RUNX2: variants seen among roughly 807,000 people sequenced by gnomAD.
The protein encoded by RUNX2 is runt-related transcription factor 2.
A neutral mutation model predicts 51.7 loss-of-function variants in RUNX2; 10 were observed. That is an observed-to-expected ratio of 0.19 (90% CI 0.12 to 0.33). The LOEUF (loss-of-function observed/expected upper bound fraction) is 0.33. RUNX2 is among the 10% of genes least tolerant of loss of function. RUNX2 has a pLI of 1.00. For missense variants in RUNX2, 562 were observed against 691.3 expected, an observed-to-expected ratio of 0.81 and a Z score of 2.10; for synonymous variants, 276 against 273.6, an observed-to-expected ratio of 1.01 and a Z score of -0.09.
At chr6:45,478,854 T>A (rs1800031683) in intron 5 of RUNX2, among the ~76,000 whole-genome samples, 1 of 152,184 alleles carries the variant, frequency 6.6e-6, no homozygotes, top group African/African-American at 2.4e-5. Flanking sequence ...TGGGCAGTCA[T>A]CAATTCCATA....
At chr6:45,369,498 G>A (rs1581973193) in intron 2 of RUNX2, among the ~76,000 whole-genome samples, 1 of 151,992 alleles carries the variant, frequency 6.6e-6, no homozygotes, top group African/African-American at 2.4e-5. Context: ...CCTAGCTATG[G>A]ACAGTTGACA....
intron 2 of RUNX2, among the ~76,000 whole-genome samples, chr6:45,345,320 A>T (rs142760621): frequency 6.6e-6 from 1 of 152,294 alleles, no homozygotes; most frequent in East Asian, 1.9e-4. Flanking sequence ...CTTTTGCCCC[A>T]TCTCAGCAAC....
intron 2 of RUNX2, among the ~76,000 whole-genome samples, chr6:45,380,741 T>G (rs570022784): frequency 1.2e-3 from 188 of 151,916 alleles, no homozygotes; most frequent in African/African-American, 4.3e-3. Flanking sequence ...CACGCCCGGG[T>G]AATTTTTGTA....
chr6:45,508,930 G>A (rs1582187848), intron 6 of RUNX2, among the ~76,000 whole-genome samples: 1 of 152,096 alleles, frequency 6.6e-6, no homozygotes, highest in Non-Finnish European at 1.5e-5. Context: ...TATGTGCAAG[G>A]CATTATACTT....
At chr6:45,456,336 G>A (rs988778857) in intron 5 of RUNX2, among the ~76,000 whole-genome samples, 2 of 151,696 alleles carry the variant, frequency 1.3e-5, no homozygotes, top group East Asian at 1.9e-4. Context: ...AGTCTTAATC[G>A]CAAAATGGTA....
intron 2 of RUNX2, among the ~76,000 whole-genome samples, chr6:45,388,464 T>C (rs981506524): frequency 6.6e-6 from 1 of 152,154 alleles, no homozygotes; most frequent in East Asian, 1.9e-4. Context: ...AAATGAATAT[T>C]TGGGCCCCGC....
chr6:45,439,788 C>T (rs1355512644), intron 5 of RUNX2, among the ~76,000 whole-genome samples: 1 of 152,082 alleles, frequency 6.6e-6, no homozygotes, highest in Non-Finnish European at 1.5e-5. Context: ...TAGGTGCTCC[C>T]TGTTCTGAAC....
intron 6 of RUNX2, among the ~76,000 whole-genome samples, chr6:45,506,248 G>A (rs1191983664): frequency 6.6e-6 from 1 of 152,130 alleles, no homozygotes; most frequent in Non-Finnish European, 1.5e-5. Flanking sequence ...CTCGCATGTA[G>A]TCATTTTGAT....
intron 7 of RUNX2, among the ~76,000 whole-genome samples, chr6:45,526,894 G>T (rs1313831875): frequency 1.3e-5 from 2 of 152,182 alleles, no homozygotes; most frequent in Non-Finnish European, 2.9e-5. Flanking sequence ...TTGTTATGGG[G>T]ACTAAAGGAT....
intron 2 of RUNX2, among the ~76,000 whole-genome samples, chr6:45,338,495 T>C (rs10948228): frequency 0.15 from 23,320 of 152,086 alleles, 2,022 homozygotes; most frequent in East Asian, 0.26. Context: ...TAAGAAACTT[T>C]GACAGCTACA....
intron 7 of RUNX2, among the ~76,000 whole-genome samples, chr6:45,522,595 C>T (rs1424475885): frequency 6.6e-6 from 1 of 152,214 alleles, no homozygotes; most frequent in African/African-American, 2.4e-5. Flanking sequence ...CTTTTCCCAG[C>T]TAGACTGAAA....
intron 2 of RUNX2, among the ~76,000 whole-genome samples, chr6:45,391,938 A>C (rs1797480436): frequency 6.6e-6 from 1 of 152,198 alleles, no homozygotes; most frequent in Admixed American, 6.5e-5. Flanking sequence ...AAATATTCAA[A>C]TAATACTTCA....
intron 2 of RUNX2, among the ~76,000 whole-genome samples, chr6:45,347,863 T>C (rs971280721): frequency 1.3e-5 from 2 of 152,138 alleles, no homozygotes; most frequent in Non-Finnish European, 2.9e-5. Context: ...TAAAAAATAC[T>C]ACATGCCTAC....
chr6:45,469,410 T>C (rs1427105956), intron 5 of RUNX2, among the ~76,000 whole-genome samples: 2 of 152,268 alleles, frequency 1.3e-5, no homozygotes, highest in African/African-American at 2.4e-5. Context: ...ATTTACATTT[T>C]ATCCTCATGT....
At chr6:45,334,527 T>C (rs1011930876) in intron 2 of RUNX2, among the ~76,000 whole-genome samples, 3 of 147,850 alleles carry the variant, frequency 2.0e-5, no homozygotes, top group Admixed American at 6.8e-5. Context: ...TTTGAATACA[T>C]ATATATGCAG....
chr6:45,481,089 C>T (rs1260416318), intron 5 of RUNX2, among the ~76,000 whole-genome samples: 1 of 152,190 alleles, frequency 6.6e-6, no homozygotes, highest in African/African-American at 2.4e-5. Context: ...AACACTCTGT[C>T]TCTCTGTTTC....
At chr6:45,354,362 G>C (rs938885733) in intron 2 of RUNX2, among the ~76,000 whole-genome samples, 2 of 152,058 alleles carry the variant, frequency 1.3e-5, no homozygotes, top group Non-Finnish European at 2.9e-5. Context: ...TGCCAAAAAA[G>C]CACAGTAATG....
At chr6:45,375,769 G>T (rs1796692003) in intron 2 of RUNX2, among the ~76,000 whole-genome samples, 1 of 151,052 alleles carries the variant, frequency 6.6e-6, no homozygotes, top group Non-Finnish European at 1.5e-5. Context: ...ACCTATAAAG[G>T]TTTTTTATTT....
At chr6:45,507,535 TG>T (rs1801008811) in intron 6 of RUNX2, among the ~76,000 whole-genome samples, 1 of 152,228 alleles carries the variant, frequency 6.6e-6, no homozygotes, top group Non-Finnish European at 1.5e-5. Flanking sequence ...GTTGTAATCA[TG>T]TATTTATGAC....
Sources: gnomAD v4.1 joint callset for allele counts (sites outside exome capture counted in the v4.1 genomes callset) on GRCh38, gnomAD v4.1.1 for gene constraint, MANE v1.5 for transcripts, NCBI Gene and HGNC (gene_info 2026-07-23, HGNC 2026-07-21) for gene names.